Variants in ZRANB3 observed in about 807,000 individuals in gnomAD.
ZRANB3 encodes zinc finger RANBP2-type containing 3.
A neutral mutation model predicts 133.8 loss-of-function variants in ZRANB3; 125 were observed. That is an observed-to-expected ratio of 0.93 (90% confidence interval 0.81 to 1.08). The LOEUF is 1.08. Ranked by LOEUF, ZRANB3 falls within the 50% of genes least tolerant of loss-of-function variation. The pLI is 0.00. For synonymous variants in ZRANB3, 387 were observed against 432.7 expected (o/e 0.89, Z 1.31); for missense variants, 1,229 against 1,275.5 (o/e 0.96, Z 0.56).
intron 3 of ZRANB3, among the ~76,000 whole-genome samples, chr2:135,379,117 T>G (rs564608724): frequency 6.6e-6 from 1 of 152,210 alleles, no homozygotes; most frequent in South Asian, 2.1e-4. Context: ...GGAAACTGGG[T>G]GTGGGGTATA....
intron 2 of ZRANB3, among the ~76,000 whole-genome samples, chr2:135,473,509 G>A (rs1056534501): frequency 2.0e-5 from 3 of 150,834 alleles, no homozygotes; most frequent in African/African-American, 4.9e-5. Context: ...CTCAGGTAAT[G>A]TACATTGCCT....
At chr2:135,529,821 C>A (rs955440948) in intron 1 of ZRANB3, among the ~76,000 whole-genome samples, 1 of 151,670 alleles carries the variant, frequency 6.6e-6, no homozygotes, top group Non-Finnish European at 1.5e-5. Context: ...GTCTGCCACT[C>A]GTTTAATAAA....
At chr2:135,232,156 G>A (rs1158026182) in intron 12 of ZRANB3, among the ~76,000 whole-genome samples, 1 of 152,194 alleles carries the variant, frequency 6.6e-6, no homozygotes, top group Non-Finnish European at 1.5e-5. Context: ...CCCGCGCCTG[G>A]CTCAGAGGGT....
At chr2:135,233,050 A>T (rs557031464) in intron 12 of ZRANB3, among the ~76,000 whole-genome samples, 2 of 152,324 alleles carry the variant, frequency 1.3e-5, no homozygotes, top group South Asian at 2.1e-4. Context: ...CTTGAAAAAA[A>T]ATTAGACGAA....
chr2:135,282,680 G>C (rs572650856), intron 8 of ZRANB3, among the ~76,000 whole-genome samples: 1 of 152,322 alleles, frequency 6.6e-6, no homozygotes, highest in South Asian at 2.1e-4. Flanking sequence ...CAAGCAGCAT[G>C]CTGAAAAGTA....
intron 2 of ZRANB3, among the ~76,000 whole-genome samples, chr2:135,490,210 G>A (rs1392540626): frequency 1.3e-5 from 2 of 152,134 alleles, no homozygotes; most frequent in African/African-American, 4.8e-5. Context: ...ATTATAAAGT[G>A]AGTGAAAGGA....
intron 2 of ZRANB3, among the ~76,000 whole-genome samples, chr2:135,441,837 G>T (rs1442084304): frequency 2.0e-5 from 3 of 152,068 alleles, no homozygotes; most frequent in South Asian, 4.1e-4. Flanking sequence ...TAAGCAAAAG[G>T]CATTTGTTTT....
intron 2 of ZRANB3, among the ~76,000 whole-genome samples, chr2:135,462,484 T>A (rs182447893): frequency 1.3e-5 from 2 of 152,334 alleles, no homozygotes; most frequent in East Asian, 3.9e-4. Context: ...GCAACTTTCA[T>A]ATTATAATAA....
rs1439142871 is a variant in ZRANB3, at chr2:135,207,756, G to A, written c.2687C>T (p.Thr896Ile). 1.9e-6 allele frequency: 3 copies of A among 1,613,888 alleles called. No homozygotes were observed. The highest frequency in any genetic ancestry group is 2.7e-5 in the African/African-American group (2 of 74,948). ...CACAGCTTGCAAATAGCCTTTGGAT[G>A]TAGAGGGCTTCACAGTGAGATCTGC... ...VQADLTVKPS[T>I]SKGYLQAVDN... The change falls in exon 19 of 21, where the codon ACA becomes ATA. Residue 896 changes from threonine to isoleucine, a missense_variant. Thr to Ile is a moderately conservative substitution (Grantham distance 89). Coordinates refer to ENST00000264159, the MANE Select transcript of ZRANB3 (RefSeq NM_032143.4).
At chr2:135,509,852 C>T (rs1002238360) in intron 1 of ZRANB3, among the ~76,000 whole-genome samples, 1 of 151,952 alleles carries the variant, frequency 6.6e-6, no homozygotes, top group Admixed American at 6.6e-5. Context: ...CAGCAAGAAT[C>T]AAAATTGTCA....
chr2:135,241,667 T>C (rs1453057823), intron 12 of ZRANB3, among the ~76,000 whole-genome samples: 4 of 152,098 alleles, frequency 2.6e-5, no homozygotes, highest in Admixed American at 6.6e-5. Flanking sequence ...GTGAGGAAGA[T>C]GCAGGGGCCT....
chr2:135,429,599 GAGA>G (rs1366735301), intron 2 of ZRANB3, among the ~76,000 whole-genome samples: 2 of 151,998 alleles, frequency 1.3e-5, no homozygotes, highest in Non-Finnish European at 2.9e-5. Context: ...AGGTAAGAAT[GAGA>G]AGTAGTGTGT....
intron 2 of ZRANB3, among the ~76,000 whole-genome samples, chr2:135,452,272 C>T (rs1263216734): frequency 1.3e-5 from 2 of 152,118 alleles, no homozygotes; most frequent in Non-Finnish European, 2.9e-5. Context: ...TTACCTCCCC[C>T]TGGGTCCCTC....
At position 135,230,715 on chromosome 2, in the gene ZRANB3, T is replaced by C. The variant is rs1694971273; in HGVS notation, c.1752A>G (p.Glu584=). 6.2e-7 allele frequency: 1 copy of C among 1,612,942 alleles called. No homozygotes were observed. Among genetic ancestry groups the C allele is most frequent in the Non-Finnish European group, 8.5e-7 (1 of 1,179,528 alleles). The change falls in exon 13 of 21, where the codon GAA becomes GAG. Residue 584 remains glutamate (E), a synonymous_variant. Coordinates refer to ENST00000264159, the MANE Select transcript of ZRANB3 (RefSeq NM_032143.4). ...TCTCTTCCGACGGACTGCAGTGGTC[T>C]TCCGAGGCAGCCAATTTCAATCTTT... ...ETKRLKLAAS[E]DHCSPSEETP... is the part of the protein sequence containing the mutation.
intron 2 of ZRANB3, among the ~76,000 whole-genome samples, chr2:135,474,675 A>G (rs1691426501): frequency 1.3e-5 from 2 of 152,234 alleles, no homozygotes; most frequent in South Asian, 4.1e-4. Context: ...CCAGAGCCAA[A>G]TAAACTTATT....
intron 2 of ZRANB3, among the ~76,000 whole-genome samples, chr2:135,404,304 G>A (rs1193688440): frequency 1.3e-5 from 2 of 152,192 alleles, no homozygotes; most frequent in Non-Finnish European, 2.9e-5. Flanking sequence ...TGTGACAAAT[G>A]TACAAGTCTC....
Position 135,353,648 on chromosome 2 carries a change from A to T in ZRANB3, c.181-20T>A. The T allele has an allele frequency of 7.3e-7, 1 of 1,374,672 alleles. No individual in the cohort carries two copies. Among genetic ancestry groups the T allele is most frequent in the Non-Finnish European group, 9.6e-7 (1 of 1,043,032 alleles). The allele number at this position is 1,374,672 out of a possible 1,614,324, so 85.2% of individuals were successfully genotyped here. ...ACCCATCTAAATTAAAAAATAAATA[A>T]ATGTTAATAATAGAGCCTAAAATAT... is the stretch of plus-strand genomic sequence containing the variant. On this transcript the variant is annotated intron_variant, in intron 3 of 20. Coordinates refer to ENST00000264159, the MANE Select transcript of ZRANB3 (RefSeq NM_032143.4).
chr2:135,234,813 C>T (rs1695212259), intron 12 of ZRANB3, among the ~76,000 whole-genome samples: 1 of 152,168 alleles, frequency 6.6e-6, no homozygotes, highest in Admixed American at 6.5e-5. Context: ...ATTTATACCA[C>T]TAAATGCCCA....
At chr2:135,324,799 T>C (rs1683730198) in intron 6 of ZRANB3, among the ~76,000 whole-genome samples, 1 of 152,128 alleles carries the variant, frequency 6.6e-6, no homozygotes, top group African/African-American at 2.4e-5. Flanking sequence ...TGGTATCTCA[T>C]TGTGGTTTTG....
Sources: gnomAD v4.1 joint callset for allele counts (sites outside exome capture counted in the v4.1 genomes callset) on GRCh38, gnomAD v4.1.1 for gene constraint, MANE v1.5 for transcripts, NCBI Gene and HGNC (gene_info 2026-07-23, HGNC 2026-07-21) for gene names.